The following KALRN variants were observed in gnomAD, a reference collection of about 807,000 sequenced individuals.
KALRN encodes kalirin RhoGEF kinase, also known as kalirin.
KALRN carries 70 observed loss-of-function variants against 353.7 expected under a neutral mutation model. The observed-to-expected ratio is 0.20, with a 90% CI of 0.16 to 0.24. The LOEUF (loss-of-function observed/expected upper bound fraction) is 0.24, where lower values mean the gene tolerates loss of function less well. KALRN is among the 10% of genes least tolerant of loss of function. KALRN has a pLI of 1.00. For synonymous variants in KALRN, 1,391 were observed against 1,434.8 expected (o/e 0.97, Z 0.69); for missense variants, 2,791 against 3,756.7 (o/e 0.74, Z 6.72).
At chr3:124,165,010 A>G (rs2070598056) in intron 1 of KALRN, among the ~76,000 whole-genome samples, 1 of 152,312 alleles carries the variant, frequency 6.6e-6, no homozygotes, top group African/African-American at 2.4e-5. Flanking sequence ...TATAAAATCT[A>G]TCAGCTCTCA....
At position 124,513,846 on chromosome 3, in the gene KALRN, G is replaced by A. The variant is rs908962085; in HGVS notation, c.4935+17433G>A. 5.9e-5 allele frequency among the ~76,000 whole-genome samples: 9 copies of A among 152,258 alleles called. No individual in the cohort carries two copies. In the East Asian group the frequency reaches 9.6e-4, roughly 16 times the overall value. On this transcript the variant is annotated intron_variant, in intron 33 of 59. Transcript: ENST00000682506. ...GTGGGCATACCTCCGCACCACCTAC[G>A]AGGCCTTCCTGCTCATCGCTGACCG... is the stretch of plus-strand genomic sequence containing the variant.
chr3:124,510,558 C>T (rs1041641405), intron 33 of KALRN, among the ~76,000 whole-genome samples: 7 of 151,992 alleles, frequency 4.6e-5, no homozygotes, highest in East Asian at 1.9e-4. Context: ...TATAGAATTA[C>T]GTTTATCCTC....
At chr3:124,218,218 C>A (rs2150577407) in intron 1 of KALRN, among the ~76,000 whole-genome samples, 1 of 152,270 alleles carries the variant, frequency 6.6e-6, no homozygotes, top group Non-Finnish European at 1.5e-5. Flanking sequence ...GAGCCCCAAA[C>A]TGACTTTTCA....
intron 9 of KALRN, among the ~76,000 whole-genome samples, chr3:124,345,411 AT>A (rs1200572029): frequency 2.6e-5 from 4 of 152,004 alleles, no homozygotes; most frequent in South Asian, 4.1e-4. Flanking sequence ...TACTCTCCTG[AT>A]TTTTTTTGGT....
intron 25 of KALRN, among the ~76,000 whole-genome samples, chr3:124,465,828 G>A (rs2060279624): frequency 6.6e-6 from 1 of 152,142 alleles, no homozygotes; most frequent in South Asian, 2.1e-4. Context: ...GAGAGCAGGA[G>A]GAAGGAATAT....
At chr3:124,068,625 T>A (rs1483695916) in intron 1 of KALRN, among the ~76,000 whole-genome samples, 1 of 152,214 alleles carries the variant, frequency 6.6e-6, no homozygotes, top group Non-Finnish European at 1.5e-5. Flanking sequence ...TCTGCCTTCA[T>A]CATAGATGAA....
intron 28 of KALRN, among the ~76,000 whole-genome samples, chr3:124,487,609 C>T (rs1230392113): frequency 2.0e-5 from 3 of 152,182 alleles, no homozygotes; most frequent in African/African-American, 7.2e-5. Flanking sequence ...CATCTATTGG[C>T]CCCAGATTAG....
At chr3:124,339,598 G>A (rs1017807532) in intron 9 of KALRN, among the ~76,000 whole-genome samples, 2 of 152,178 alleles carry the variant, frequency 1.3e-5, no homozygotes, top group Non-Finnish European at 2.9e-5. Flanking sequence ...CTAGTGCTCA[G>A]TGTGCTGTGT....
At chr3:124,087,253 A>G (rs1393095489) in intron 1 of KALRN, among the ~76,000 whole-genome samples, 1 of 152,204 alleles carries the variant, frequency 6.6e-6, no homozygotes, top group Non-Finnish European at 1.5e-5. Context: ...ATGAATTGGG[A>G]AAGGCAAATC....
intron 1 of KALRN, among the ~76,000 whole-genome samples, chr3:124,179,778 A>G (rs1272182143): frequency 6.6e-6 from 1 of 152,224 alleles, no homozygotes; most frequent in Non-Finnish European, 1.5e-5. Context: ...TCTGTCATTT[A>G]CCAAAACGTT....
intron 51 of KALRN, among the ~76,000 whole-genome samples, chr3:124,689,401 T>C (rs1192285440): frequency 2.0e-5 from 3 of 152,076 alleles, no homozygotes; most frequent in Non-Finnish European, 4.4e-5. Context: ...AGATGAGGTC[T>C]CATTATGTTG....
intron 38 of KALRN, among the ~76,000 whole-genome samples, chr3:124,653,232 C>T (rs376786735): frequency 6.6e-6 from 1 of 151,964 alleles, no homozygotes; most frequent in Non-Finnish European, 1.5e-5. Flanking sequence ...GGCAGTGGGG[C>T]GTCAAAGGGT....
chr3:124,082,361 T>C (rs1380480104), intron 1 of KALRN: 2 of 469,566 alleles, frequency 4.3e-6, no homozygotes, highest in Non-Finnish European at 4.4e-6. Flanking sequence ...TCCTATTTTT[T>C]CCTTCAATGG....
At position 124,723,184 on chromosome 3, in the gene KALRN, T is replaced by A. The variant is rs2063380368; in HGVS notation, c.*3714T>A. 1 of 152,184 alleles carries A rather than the reference T, an allele frequency of 6.6e-6. No individual in the cohort carries two copies. The highest frequency in any genetic ancestry group is 1.5e-5 in the Non-Finnish European group (1 of 68,028). The allele number at this position is 152,184 out of a possible 1,614,324, so 9.4% of individuals were successfully genotyped here. A position where few individuals can be genotyped will look rare whatever the true frequency, so the allele number is the denominator to read the frequency against. On this transcript the variant is annotated 3_prime_UTR_variant, in exon 60 of 60. Transcript: ENST00000682506. ...AAGCCTTTATAAATAGTAGTGCCTT[T>A]CAGAGGGGAGGATGGGAGATAAAGA...
rs181751643 is a variant in KALRN at position 124,187,237 on chromosome 3, C to T, written c.74-40753C>T. Among the ~76,000 whole-genome samples the T allele has an allele frequency of 8.1e-4, 123 of 152,216 alleles. 2 individuals carry two copies. Among genetic ancestry groups the T allele is most frequent in the East Asian group, 7.0e-3 (36 of 5,166 alleles). ...CTGGGATTACAGGTGCCCACCACCA[C>T]GCCCAGCTAATTTTTGTGTTTTTAG... On this transcript the variant is annotated intron_variant, in intron 1 of 59. Transcript: ENST00000682506.
In KALRN at chr3:124,723,282, A is replaced by C. The variant is rs1320012112; in HGVS notation, c.*3812A>C. 6.6e-6 allele frequency: 1 copy of C among 152,230 alleles called. No homozygotes were observed. Among genetic ancestry groups the C allele is most frequent in the Non-Finnish European group, 1.5e-5 (1 of 68,034 alleles). 9.4% of individuals were successfully genotyped at this position (152,230 alleles called of 1,614,324 possible). On this transcript the variant is annotated 3_prime_UTR_variant, in exon 60 of 60. Coordinates refer to ENST00000682506, the MANE Select transcript of KALRN (RefSeq NM_001388419.1). ...TTTAAAATATCTTGTAAATGAAAAC[A>C]TCTGAATATAGGGGTGGGACCAGGA... is the stretch of plus-strand genomic sequence containing the variant.
intron 3 of KALRN, among the ~76,000 whole-genome samples, chr3:124,248,237 A>G (rs2070616165): frequency 6.6e-6 from 1 of 151,388 alleles, no homozygotes; most frequent in South Asian, 2.1e-4. Context: ...CTCCCCAAGG[A>G]AAAAGGAGAG....
intron 33 of KALRN, among the ~76,000 whole-genome samples, chr3:124,526,533 C>A (rs555238137): frequency 3.3e-5 from 5 of 152,086 alleles, no homozygotes; most frequent in African/African-American, 4.8e-5. Flanking sequence ...CAAGATCACA[C>A]CACTGCACTC....
chr3:124,622,690 A>C (rs1473188176), intron 34 of KALRN, among the ~76,000 whole-genome samples: 3 of 152,154 alleles, frequency 2.0e-5, no homozygotes, highest in Non-Finnish European at 2.9e-5. Flanking sequence ...TATTAGAATT[A>C]TCTTCTTTTT....
Sources: gnomAD v4.1 joint callset for allele counts (sites outside exome capture counted in the v4.1 genomes callset) on GRCh38, gnomAD v4.1.1 for gene constraint, MANE v1.5 for transcripts, NCBI Gene and HGNC (gene_info 2026-07-23, HGNC 2026-07-21) for gene names.